N4BP2: variants seen among roughly 807,000 people sequenced by gnomAD.
N4BP2 encodes NEDD4-binding protein 2.
Under a neutral mutation model 152.8 loss-of-function variants are expected in N4BP2, and 91 were observed. The observed-to-expected ratio is 0.60, with a 90% confidence interval of 0.50 to 0.71. The LOEUF (loss-of-function observed/expected upper bound fraction) is 0.71, where lower values mean the gene tolerates loss of function less well. N4BP2 is among the 30% of genes least tolerant of loss of function. N4BP2 has a pLI of 0.00. For synonymous variants in N4BP2, 646 were observed against 705.3 expected (o/e 0.92, Z 1.33); for missense variants, 1,923 against 2,059.1 (o/e 0.93, Z 1.28).
chr4:40,144,879 G>A, intron 16 of N4BP2, 79 bp downstream of exon 16: 1 of 1,090,458 alleles, frequency 9.2e-7, no homozygotes. Context: ...ATTCAGGAGA[G>A]TCTGAATATG....
chr4:40,127,941 G>A (rs972811864), intron 12 of N4BP2, among the ~76,000 whole-genome samples: 6 of 152,184 alleles, frequency 3.9e-5, no homozygotes, highest in African/African-American at 7.2e-5. Flanking sequence ...GATTACAGGC[G>A]TGAGCCGCCA....
chr4:40,181,730 C>T, the N4BP2 span, among the ~76,000 whole-genome samples: 1 of 152,174 alleles, frequency 6.6e-6, no homozygotes, highest in Non-Finnish European at 1.5e-5. Context: ...GGCAGATCAC[C>T]TGAGGTCAGG....
rs758273128 is a variant in N4BP2, at chr4:40,102,514, G to C, written c.669G>C (p.Glu223Asp). 2 of 1,614,114 alleles carry C rather than the reference G, an allele frequency of 1.2e-6. No individual in the cohort carries two copies. Among genetic ancestry groups the C allele is most frequent in the South Asian group, 2.2e-5 (2 of 91,084 alleles). ...TACCTTCACATTCAGTTTTGAACGA[G>C]TCCAAGTGTTTTATAAAGGATAACA... is the stretch of plus-strand genomic sequence containing the variant. ...NPLPSHSVLN[E>D]SKCFIKDNTL... Residue 223 changes from glutamate (E) to aspartate (D), a missense_variant, in exon 4 of 18, where the codon GAG (glutamate) becomes GAC (aspartate). Glu to Asp is a conservative substitution (Grantham distance 45, BLOSUM62 2). Coordinates refer to ENST00000261435, the MANE Select transcript of N4BP2 (RefSeq NM_018177.6).
intron 16 of N4BP2, 129 bp from the exon 17 acceptor site, chr4:40,152,651 A>T (rs1272125125): frequency 1.2e-6 from 1 of 867,190 alleles, no homozygotes. Context: ...TTACTATTAC[A>T]GTTTTGAGAT....
chr4:40,150,411 A>G (rs1721043053), intron 16 of N4BP2, among the ~76,000 whole-genome samples: 1 of 152,234 alleles, frequency 6.6e-6, no homozygotes, highest in Non-Finnish European at 1.5e-5. Flanking sequence ...TCATGCCTGT[A>G]ATTCCAGCAC....
chr4:40,107,567 A>T (rs1716430226), intron 5 of N4BP2, among the ~76,000 whole-genome samples: 2 of 151,946 alleles, frequency 1.3e-5, no homozygotes, highest in South Asian at 4.2e-4. Flanking sequence ...TATTTTTTAT[A>T]GAGACGGGGT....
chr4:40,116,280 G>C (rs1293598157), intron 7 of N4BP2, among the ~76,000 whole-genome samples: 1 of 151,806 alleles, frequency 6.6e-6, no homozygotes, highest in African/African-American at 2.4e-5. Flanking sequence ...GGTTATTTTG[G>C]TTATTCATAT....
intron 14 of N4BP2, among the ~76,000 whole-genome samples, chr4:40,138,648 G>T (rs1327228068): frequency 2.6e-5 from 4 of 152,162 alleles, no homozygotes; most frequent in Non-Finnish European, 4.4e-5. Context: ...TGTACCATTT[G>T]TTACAAAGAC....
rs1187320851 is a variant in N4BP2 at position 40,144,632 on chromosome 4, G to T, written c.4975G>T (p.Gly1659Cys). 6.2e-7 allele frequency: 1 copy of T among 1,607,070 alleles called. No individual in the cohort carries two copies. The change falls in exon 16 of 18, where the codon GGT becomes TGT. Residue 1659 changes from glycine (G) to cysteine (C), a missense_variant and splice_region_variant. Transcript: ENST00000261435. ...CCTTGGTGATATGTTTATGATTTAGGGTACTCTTCATGAGCAGAAGATGAA... is the reference window on the plus strand; with the variant it reads ...CCTTGGTGATATGTTTATGATTTAGTGTACTCTTCATGAGCAGAAGATGAA... ...KNVATFYAQQ[G>C]TLHEQKMKEA...
chr4:40,105,054 G>A (rs934254410), intron 4 of N4BP2, among the ~76,000 whole-genome samples: 3 of 152,014 alleles, frequency 2.0e-5, no homozygotes, highest in Non-Finnish European at 4.4e-5. Flanking sequence ...CGCCCGCCTC[G>A]GCCTCCCAAA....
chr4:40,061,696 C>T (rs1733666072), intron 1 of N4BP2, among the ~76,000 whole-genome samples: 1 of 149,808 alleles, frequency 6.7e-6, no homozygotes, highest in Non-Finnish European at 1.5e-5. Flanking sequence ...TGGAGTTTTG[C>T]TCTTGTTGCC....
rs1240213655 is a variant in N4BP2 at position 40,141,603 on chromosome 4, C to G, written c.4786-1070C>G. On this transcript the variant is annotated intron_variant, in intron 14 of 17. Coordinates refer to ENST00000261435, the MANE Select transcript of N4BP2 (RefSeq NM_018177.6). ...GCAGAGACGCTCCTCACTTTCCAGA[C>G]TGGGCAGCCAGGCAGAGGGGCTCCT... is the stretch of plus-strand genomic sequence containing the variant. Among the ~76,000 whole-genome samples, 6 of 150,738 alleles carry G rather than the reference C, an allele frequency of 4.0e-5. No individual in the cohort carries two copies. In the South Asian group the frequency reaches 1.3e-3, roughly 32 times the overall value.
At chr4:40,164,114 G>GT in the N4BP2 span, among the ~76,000 whole-genome samples, 6 of 152,206 alleles carry the variant, frequency 3.9e-5, no homozygotes, top group Non-Finnish European at 8.8e-5. Context: ...TCACGATGCT[G>GT]TATGTGTAAG....
At position 40,127,098 on chromosome 4, in the gene N4BP2, C is replaced by G. The variant is rs550470554; in HGVS notation, c.4527+768C>G. ...TATAGAGACAGTTTTGCCATGTTGC[C>G]CAGGCTGGTCTCGAGTTCTGGGGTC... On this transcript the variant is annotated intron_variant, in intron 12 of 17. Coordinates refer to ENST00000261435, the MANE Select transcript of N4BP2 (RefSeq NM_018177.6). Among the ~76,000 whole-genome samples, 3 of 152,148 alleles carry G rather than the reference C, an allele frequency of 2.0e-5. No homozygotes were observed. In the South Asian group the frequency reaches 6.2e-4, roughly 32 times the overall value.
At chr4:40,172,446 A>C in the N4BP2 span, among the ~76,000 whole-genome samples, 1 of 152,206 alleles carries the variant, frequency 6.6e-6, no homozygotes, top group Non-Finnish European at 1.5e-5. Context: ...CACACAAGTT[A>C]AAATGGGGGT....
Position 40,119,941 on chromosome 4 carries a change from C to T in N4BP2, c.1830C>T (p.Asp610=), listed in dbSNP as rs772135137. 2 of 1,374,552 alleles carry T rather than the reference C, an allele frequency of 1.5e-6. No individual in the cohort carries two copies. Among genetic ancestry groups the T allele is most frequent in the Non-Finnish European group, 2.0e-6 (2 of 998,968 alleles). 85.1% of individuals were successfully genotyped at this position (1,374,552 alleles called of 1,614,324 possible). A position where few individuals can be genotyped will look rare whatever the true frequency, so the allele number is the denominator to read the frequency against. ...TAAAATAATCTTACAGCCCAAGAGACGATGAAGATATTATCTCTGAAAAAG... is the reference window on the plus strand; with the variant it reads ...TAAAATAATCTTACAGCCCAAGAGATGATGAAGATATTATCTCTGAAAAAG... ...SCEDRSTSPR[D]DEDIISEKEE... Residue 610 remains aspartate (D), a synonymous_variant, in exon 9 of 18, where the codon GAC becomes GAT. Coordinates refer to ENST00000261435, the MANE Select transcript of N4BP2 (RefSeq NM_018177.6).
intron 2 of N4BP2, among the ~76,000 whole-genome samples, chr4:40,086,719 A>C (rs1207797897): frequency 6.6e-6 from 1 of 151,928 alleles, no homozygotes; most frequent in Non-Finnish European, 1.5e-5. Context: ...TTGGATTCTA[A>C]TTATATATAT....
the N4BP2 span, among the ~76,000 whole-genome samples, chr4:40,172,133 T>A: frequency 5.9e-5 from 9 of 152,130 alleles, no homozygotes; most frequent in Admixed American, 5.2e-4. Flanking sequence ...GTCTCGGTCT[T>A]GAACTCCTGA....
rs926450242 is a variant in N4BP2, at chr4:40,120,229, G to T, written c.2118G>T (p.Val706=). ...GTGAAAACGAGCAAATAGAAATGGT[G>T]GCTGTAAAAGGGTATAGTAAAACTG... The part of the protein sequence containing the change: ...DKSENEQIEM[V]AVKGYSKTDT... Residue 706 remains valine (V), a synonymous_variant, in exon 9 of 18, where the codon GTG becomes GTT. Coordinates refer to ENST00000261435, the MANE Select transcript of N4BP2 (RefSeq NM_018177.6). 4 of 1,613,712 alleles carry T rather than the reference G, an allele frequency of 2.5e-6. No individual in the cohort carries two copies. Among genetic ancestry groups the T allele is most frequent in the Non-Finnish European group, 3.4e-6 (4 of 1,179,990 alleles).
Sources: allele counts gnomAD v4.1 joint callset (sites outside exome capture counted in the v4.1 genomes callset), GRCh38; gene constraint gnomAD v4.1.1; transcripts MANE v1.5; gene names NCBI Gene and HGNC (gene_info 2026-07-23, HGNC 2026-07-21).